Variants in SULT1C2 observed in about 807,000 individuals in gnomAD.
SULT1C2 encodes the protein sulfotransferase 1C2.
Under a neutral mutation model 36.0 loss-of-function variants are expected in SULT1C2, and 27 were observed. The observed-to-expected ratio is 0.75, with a 90% CI of 0.55 to 1.03. SULT1C2 has a LOEUF of 1.03. Among genes scored for constraint, SULT1C2 ranks in the 50% least tolerant of loss-of-function variants. SULT1C2 has a pLI of 0.00. For missense variants in SULT1C2, 395 were observed against 359.2 expected (o/e 1.10, Z -0.80); for synonymous variants, 121 against 116.0 (o/e 1.04, Z -0.27).
chr2:108,306,255 T>C (rs1677022575), intron 7 of SULT1C2, among the ~76,000 whole-genome samples: 2 of 152,028 alleles, frequency 1.3e-5, no homozygotes, highest in Non-Finnish European at 2.9e-5. Context: ...CATCTAATAT[T>C]TTTTAAGAAA....
intron 1 of SULT1C2, among the ~76,000 whole-genome samples, chr2:108,292,972 A>G (rs1676629504): frequency 6.6e-6 from 1 of 152,162 alleles, no homozygotes; most frequent in Non-Finnish European, 1.5e-5. Context: ...TGAGGTCAGG[A>G]GCTCAAGACC....
At chr2:108,294,570 T>C (rs905377239) in intron 3 of SULT1C2, among the ~76,000 whole-genome samples, 3 of 152,168 alleles carry the variant, frequency 2.0e-5, no homozygotes, top group Non-Finnish European at 2.9e-5. Flanking sequence ...TTACCAAAAG[T>C]GAATCACCAA....
chr2:108,290,944 A>C (rs538320108), intron 1 of SULT1C2, among the ~76,000 whole-genome samples: 14 of 152,242 alleles, frequency 9.2e-5, no homozygotes, highest in Non-Finnish European at 1.9e-4. Context: ...AAATTATCAA[A>C]AATTTAGCAG....
Position 108,305,604 on chromosome 2 carries a change from G to T in SULT1C2, c.778+9G>T. On this transcript the variant is annotated intron_variant, in intron 7 of 7. Transcript: ENST00000251481. Reference sequence around the variant, plus strand: ...CTCCTTCATGAGAAAAGGTGTGTGGGGCCTCTTTATCATACATTCAGATTG... The same window carrying T: ...CTCCTTCATGAGAAAAGGTGTGTGGTGCCTCTTTATCATACATTCAGATTG... 6.2e-7 allele frequency: 1 copy of T among 1,614,008 alleles called. No individual in the cohort carries two copies. Among genetic ancestry groups the T allele is most frequent in the Non-Finnish European group, 8.5e-7 (1 of 1,179,956 alleles).
intron 3 of SULT1C2, among the ~76,000 whole-genome samples, chr2:108,297,373 CAAGA>C (rs1676759990): frequency 6.6e-6 from 1 of 152,210 alleles, no homozygotes; most frequent in Non-Finnish European, 1.5e-5. Context: ...TCTTTGATGG[CAAGA>C]AACAAGTTCT....
chr2:108,293,650 C>A lies in SULT1C2; in HGVS notation c.-18C>A, dbSNP rs757777611. The A allele has an allele frequency of 2.5e-6, 4 of 1,596,900 alleles. No homozygotes were observed. The highest frequency in any genetic ancestry group is 2.6e-6 in the Non-Finnish European group (3 of 1,172,790). Reference sequence around the variant, plus strand: ...CTCCTCTATTCTTTTCCCATAGGGACCCCAACCCTGAGACACTATGGCCCT... The same window carrying A: ...CTCCTCTATTCTTTTCCCATAGGGAACCCAACCCTGAGACACTATGGCCCT... On this transcript the variant is annotated 5_prime_UTR_variant, in exon 2 of 8. Coordinates refer to ENST00000251481, the MANE Select transcript of SULT1C2 (RefSeq NM_001056.4).
intron 3 of SULT1C2, among the ~76,000 whole-genome samples, chr2:108,298,201 C>T (rs376160503): frequency 2.0e-5 from 3 of 152,182 alleles, no homozygotes; most frequent in South Asian, 2.1e-4. Context: ...CTTTCATCTC[C>T]GTTTCTCTAC....
chr2:108,294,445 CCT>C (rs934397366), intron 3 of SULT1C2, 91 bp downstream of exon 3: 215 of 1,438,770 alleles, frequency 1.5e-4, no homozygotes, highest in Non-Finnish European at 1.9e-4. Context: ...CCTCTTCTCT[CCT>C]CTCTCTCTCC....
chr2:108,297,109 G>C (rs1011818704), intron 3 of SULT1C2, among the ~76,000 whole-genome samples: 1 of 152,174 alleles, frequency 6.6e-6, no homozygotes, highest in Non-Finnish European at 1.5e-5. Context: ...TGAAATCTAG[G>C]AATGATCCAC....
intron 3 of SULT1C2, chr2:108,299,138 A>C (rs189890315): frequency 6.6e-6 from 1 of 152,322 alleles, no homozygotes; most frequent in Non-Finnish European, 1.5e-5. Flanking sequence ...GTGCCTCACT[A>C]AAGTCCAGGG....
Position 108,293,706 on chromosome 2 carries a change from GA to G in SULT1C2, c.42del (p.Glu15ArgfsTer47). Reference protein sequence around the residue: ...TSDLGKQIKLKEVEGTLLQPA... With the variant: ...TSDLGKQIKLXEVEGTLLQPA... Reference sequence around the variant, plus strand: ...CAGACCTGGGGAAACAGATAAAACTGAAAGAGGTGGAGGGGACCCTCCTGCA... The same window carrying G: ...CAGACCTGGGGAAACAGATAAAACTGAAGAGGTGGAGGGGACCCTCCTGCA... On this transcript the variant is annotated frameshift_variant, in exon 2 of 8. Coordinates refer to ENST00000251481, the MANE Select transcript of SULT1C2 (RefSeq NM_001056.4). LOFTEE classifies it high-confidence loss of function. The G allele has an allele frequency of 6.2e-7, 1 of 1,614,072 alleles. No individual in the cohort carries two copies. Among genetic ancestry groups the G allele is most frequent in the Non-Finnish European group, 8.5e-7 (1 of 1,179,990 alleles).
At position 108,300,792 on chromosome 2, in the gene SULT1C2, G is replaced by C. The variant is rs201733648; in HGVS notation, c.278-46G>C. 2.8e-4 allele frequency: 448 copies of C among 1,612,826 alleles called. 1 individual carries two copies. Among genetic ancestry groups the C allele is most frequent in the Middle Eastern group, 3.3e-4 (2 of 6,074 alleles). ...AGAGCCTGGATCATGAGGTCCCCATGTAGTGCTTGTACTACGCAGATGTTT... is the reference window on the plus strand; with the variant it reads ...AGAGCCTGGATCATGAGGTCCCCATCTAGTGCTTGTACTACGCAGATGTTT... On this transcript the variant is annotated intron_variant, in intron 3 of 7. Transcript: ENST00000251481.
At chr2:108,295,290 A>G (rs1676696760) in intron 3 of SULT1C2, among the ~76,000 whole-genome samples, 1 of 152,200 alleles carries the variant, frequency 6.6e-6, no homozygotes, top group Non-Finnish European at 1.5e-5. Context: ...AGAAGAGAAA[A>G]TGGTCACTAG....
Position 108,308,571 on chromosome 2 carries a change from C to A in SULT1C2, c.*107C>A. 1.2e-6 allele frequency: 1 copy of A among 838,584 alleles called. No homozygotes were observed. The highest frequency in any genetic ancestry group is 2.7e-5 in the East Asian group (1 of 36,428). The allele number at this position is 838,584 out of a possible 1,614,324, so 51.9% of individuals were successfully genotyped here. A position where few individuals can be genotyped will look rare whatever the true frequency, so the allele number is the denominator to read the frequency against. On this transcript the variant is annotated 3_prime_UTR_variant, in exon 8 of 8. Coordinates refer to ENST00000251481, the MANE Select transcript of SULT1C2 (RefSeq NM_001056.4). Reference sequence around the variant, plus strand: ...TCTGAAAGCATATTGTGAATGTATACAATGTAGTACAAACAATCTCTGTGA... The same window carrying A: ...TCTGAAAGCATATTGTGAATGTATAAAATGTAGTACAAACAATCTCTGTGA...
At chr2:108,299,713 C>T (rs1259559319) in intron 3 of SULT1C2, 1 of 152,206 alleles carries the variant, frequency 6.6e-6, no homozygotes, top group East Asian at 1.9e-4. Context: ...CATGATCCAG[C>T]AATTCCACTT....
chr2:108,295,378 G>A (rs1389632775), intron 3 of SULT1C2, among the ~76,000 whole-genome samples: 1 of 152,218 alleles, frequency 6.6e-6, no homozygotes, highest in Non-Finnish European at 1.5e-5. Flanking sequence ...TGACCCCATA[G>A]ACAGGCCAGC....
chr2:108,292,532 A>C (rs1039209966), intron 1 of SULT1C2, among the ~76,000 whole-genome samples: 1 of 152,154 alleles, frequency 6.6e-6, no homozygotes, highest in African/African-American at 2.4e-5. Context: ...AGGGGAATGC[A>C]AATCAAAACC....
intron 7 of SULT1C2, 101 bp from the exon 8 acceptor site, chr2:108,308,251 T>A (rs762502507): frequency 9.6e-7 from 1 of 1,043,404 alleles, no homozygotes; most frequent in Non-Finnish European, 1.4e-6. Flanking sequence ...GAGTCAGGTA[T>A]GTGGACAGGC....
chr2:108,300,888 C>A lies in SULT1C2; in HGVS notation c.328C>A (p.Leu110Ile). The change falls in exon 4 of 8, where the codon CTT becomes ATT. Residue 110 changes from leucine to isoleucine, a missense_variant. Leu to Ile is a conservative substitution (Grantham distance 5). Transcript: ENST00000251481. The stretch of plus-strand genomic sequence containing the variant: ...CTCTCCACGGATACTAAAGACTCAC[C>A]TTTCCACTCAGCTGCTGCCACCGTC... The part of the protein sequence containing the change: ...MPSPRILKTH[L>I]STQLLPPSFW... 6.2e-7 allele frequency: 1 copy of A among 1,614,144 alleles called. No individual in the cohort carries two copies. The highest frequency in any genetic ancestry group is 2.2e-5 in the East Asian group (1 of 44,882).
Sources: gnomAD v4.1 joint callset for allele counts (sites outside exome capture counted in the v4.1 genomes callset) on GRCh38, gnomAD v4.1.1 for gene constraint, MANE v1.5 for transcripts, NCBI Gene and HGNC (gene_info 2026-07-23, HGNC 2026-07-21) for gene names.